The following LRRC7 variants were observed in gnomAD, a reference collection of about 807,000 sequenced individuals.
LRRC7 encodes leucine-rich repeat-containing protein 7.
A neutral mutation model predicts 175.7 loss-of-function variants in LRRC7; 23 were observed. The ratio of observed to expected loss-of-function variants is 0.13; its 90% CI spans 0.09 to 0.19. The LOEUF is 0.19. Among genes scored for constraint, LRRC7 ranks in the 10% least tolerant of loss-of-function variants. LRRC7 has a pLI of 1.00. For missense variants in LRRC7, 1,354 were observed against 1,904.7 expected (o/e 0.71, Z 5.38); for synonymous variants, 685 against 680.9 (o/e 1.01, Z -0.09).
intron 7 of LRRC7, among the ~76,000 whole-genome samples, chr1:69,917,679 T>C (rs1467540389): frequency 6.6e-6 from 1 of 152,136 alleles, no homozygotes; most frequent in Non-Finnish European, 1.5e-5. Flanking sequence ...TCATACAAAA[T>C]GTCAGTTGTG....
intron 8 of LRRC7, among the ~76,000 whole-genome samples, chr1:69,976,863 C>T (rs1008543234): frequency 2.1e-5 from 3 of 140,626 alleles, no homozygotes; most frequent in Admixed American, 1.4e-4. Context: ...TTTCTACTTC[C>T]GTGATACTTC....
At chr1:69,739,868 T>C (rs1668515096) in intron 2 of LRRC7, among the ~76,000 whole-genome samples, 2 of 152,124 alleles carry the variant, frequency 1.3e-5, no homozygotes, top group South Asian at 4.1e-4. Flanking sequence ...TTTATGCTGT[T>C]AAACAAAGAA....
chr1:69,849,039 C>A (rs1323768172), intron 7 of LRRC7, among the ~76,000 whole-genome samples: 1 of 151,902 alleles, frequency 6.6e-6, no homozygotes, highest in Non-Finnish European at 1.5e-5. Flanking sequence ...ATTTCTATTC[C>A]TTTTGCTTTA....
At chr1:69,815,250 C>G (rs1026777131) in intron 4 of LRRC7, among the ~76,000 whole-genome samples, 9 of 152,090 alleles carry the variant, frequency 5.9e-5, no homozygotes, top group African/African-American at 2.2e-4. Flanking sequence ...AAACATCCTA[C>G]AGAAGATCTT....
chr1:69,568,869 G>A (rs967743941), intron 1 of LRRC7, among the ~76,000 whole-genome samples: 2 of 152,212 alleles, frequency 1.3e-5, no homozygotes, highest in South Asian at 2.1e-4. Context: ...GCGGGTGCAT[G>A]GGAGCACCGA....
chr1:69,606,003 C>T (rs1427780063), intron 1 of LRRC7, among the ~76,000 whole-genome samples: 1 of 152,046 alleles, frequency 6.6e-6, no homozygotes, highest in Non-Finnish European at 1.5e-5. Context: ...TTTTATCTTT[C>T]AAGTAATTGT....
intron 8 of LRRC7, among the ~76,000 whole-genome samples, chr1:69,962,242 C>G (rs1651173428): frequency 6.6e-6 from 1 of 152,184 alleles, no homozygotes; most frequent in Non-Finnish European, 1.5e-5. Flanking sequence ...CTCAACATCA[C>G]TGATTATTAA....
intron 4 of LRRC7, among the ~76,000 whole-genome samples, chr1:69,799,933 T>C (rs1170095139): frequency 2.6e-5 from 4 of 152,014 alleles, no homozygotes; most frequent in Non-Finnish European, 1.5e-5. Flanking sequence ...TGGTGAGAGA[T>C]AGGGTGAGTT....
At chr1:69,624,358 T>C (rs1651139029) in intron 1 of LRRC7, among the ~76,000 whole-genome samples, 1 of 152,160 alleles carries the variant, frequency 6.6e-6, no homozygotes, top group African/African-American at 2.4e-5. Context: ...CACATATATA[T>C]ATGTATATAT....
chr1:69,879,781 G>A (rs1045194545), intron 7 of LRRC7: 1 of 152,258 alleles, frequency 6.6e-6, no homozygotes, highest in Non-Finnish European at 1.5e-5. Context: ...AACCAACTCA[G>A]GTCGGAAACG....
chr1:69,938,302 T>C (rs1160495924), intron 8 of LRRC7, among the ~76,000 whole-genome samples: 1 of 152,014 alleles, frequency 6.6e-6, no homozygotes, highest in African/African-American at 2.4e-5. Context: ...TTGTATTCTA[T>C]AAAACTGCTT....
intron 11 of LRRC7, among the ~76,000 whole-genome samples, chr1:69,996,286 G>A (rs1190761660): frequency 1.3e-5 from 2 of 152,168 alleles, no homozygotes; most frequent in Non-Finnish European, 2.9e-5. Context: ...GGAGTTCATT[G>A]TAGATTCTGG....
intron 7 of LRRC7, among the ~76,000 whole-genome samples, chr1:69,899,589 C>T (rs1486364892): frequency 6.6e-6 from 1 of 152,178 alleles, no homozygotes; most frequent in East Asian, 1.9e-4. Flanking sequence ...ATTGTAAGCA[C>T]AAATGCAGCC....
At chr1:69,753,025 G>A (rs1670007380) in intron 2 of LRRC7, among the ~76,000 whole-genome samples, 2 of 152,090 alleles carry the variant, frequency 1.3e-5, no homozygotes, top group Admixed American at 1.3e-4. Context: ...AAAGCAATGT[G>A]TTCTCTAATG....
intron 1 of LRRC7, among the ~76,000 whole-genome samples, chr1:69,589,113 AGGG>A (rs1646522959): frequency 1.1e-5 from 1 of 87,594 alleles, no homozygotes; most frequent in East Asian, 3.5e-4. Context: ...CTTCATAAAA[AGGG>A]TGTGTGTGTG....
intron 1 of LRRC7, among the ~76,000 whole-genome samples, chr1:69,641,917 T>C (rs1654273404): frequency 6.6e-6 from 1 of 151,850 alleles, no homozygotes; most frequent in Non-Finnish European, 1.5e-5. Context: ...CTCGTTTTAA[T>C]AATAGTAAAA....
chr1:69,878,544 C>T (rs934094758), intron 7 of LRRC7, among the ~76,000 whole-genome samples: 1 of 152,042 alleles, frequency 6.6e-6, no homozygotes, highest in African/African-American at 2.4e-5. Context: ...TTTAAAAATT[C>T]TTTCTGCAGG....
At chr1:69,732,966 G>T (rs1322006066) in intron 2 of LRRC7, among the ~76,000 whole-genome samples, 7 of 151,916 alleles carry the variant, frequency 4.6e-5, no homozygotes, top group Non-Finnish European at 1.0e-4. Context: ...AATGTGATAG[G>T]GATATCTGAT....
intron 7 of LRRC7, among the ~76,000 whole-genome samples, chr1:69,900,426 C>G (rs1437408454): frequency 1.3e-5 from 2 of 152,144 alleles, no homozygotes; most frequent in Non-Finnish European, 2.9e-5. Flanking sequence ...CTAGGATAAA[C>G]TTCTTCCCAT....
Sources: gnomAD v4.1 joint callset for allele counts (sites outside exome capture counted in the v4.1 genomes callset) on GRCh38, gnomAD v4.1.1 for gene constraint, MANE v1.5 for transcripts, NCBI Gene and HGNC (gene_info 2026-07-23, HGNC 2026-07-21) for gene names.